The following PDCD6IP variants were observed in gnomAD, a reference collection of about 807,000 sequenced individuals.
PDCD6IP encodes programmed cell death 6 interacting protein.
PDCD6IP carries 43 observed loss-of-function variants against 103.7 expected under a neutral mutation model. That is an observed-to-expected ratio of 0.41 (90% CI 0.32 to 0.53). The LOEUF is 0.53. Among genes scored for constraint, PDCD6IP ranks in the 20% least tolerant of loss-of-function variants. The probability of loss-of-function intolerance (pLI) is 0.16; values close to 1 mark genes in which losing one functional copy is unlikely to be tolerated. For synonymous variants in PDCD6IP, 354 were observed against 378.7 expected, an observed-to-expected ratio of 0.93 and a Z score of 0.76; for missense variants, 871 against 1,036.7, an observed-to-expected ratio of 0.84 and a Z score of 2.20.
intron 4 of PDCD6IP, among the ~76,000 whole-genome samples, chr3:33,824,920 A>C (rs1697082781): frequency 6.6e-6 from 1 of 152,256 alleles, no homozygotes; most frequent in African/African-American, 2.4e-5. Flanking sequence ...ATCTAAAAAT[A>C]GTTTAATCAG....
At chr3:33,839,635 G>A (rs1178750710) in intron 9 of PDCD6IP, among the ~76,000 whole-genome samples, 2 of 152,196 alleles carry the variant, frequency 1.3e-5, no homozygotes, top group Admixed American at 6.5e-5. Flanking sequence ...GAGACAAATT[G>A]TTAGGTTGTG....
chr3:33,819,751 A>G (rs973703447), intron 3 of PDCD6IP, among the ~76,000 whole-genome samples: 5 of 152,264 alleles, frequency 3.3e-5, no homozygotes, highest in African/African-American at 7.2e-5. Context: ...CTAGTGGTCA[A>G]TGCCTTGCAC....
intron 15 of PDCD6IP, among the ~76,000 whole-genome samples, chr3:33,863,378 TTCTC>T (rs1259337669): frequency 1.3e-5 from 2 of 152,188 alleles, no homozygotes; most frequent in Non-Finnish European, 2.9e-5. Flanking sequence ...AACTTATTTA[TTCTC>T]TCTGACTGTA....
In PDCD6IP at chr3:33,864,038, G is replaced by GT; in HGVS notation, c.2154dup (p.Ala719CysfsTer33). The stretch of plus-strand genomic sequence containing the variant: ...CAACAAAGCATTGCCAGAGAACCTA[G>GT]TGCTCCTTCAATTCCTACACCTGCG... On this transcript the variant is annotated frameshift_variant, in exon 16 of 18. Transcript: ENST00000307296. LOFTEE classifies it high-confidence loss of function. 1 of 1,614,022 alleles carries GT rather than the reference G, an allele frequency of 6.2e-7. No individual in the cohort carries two copies. The highest frequency in any genetic ancestry group is 1.3e-5 in the African/African-American group (1 of 75,044).
intron 1 of PDCD6IP, among the ~76,000 whole-genome samples, chr3:33,804,711 AG>A (rs1332365109): frequency 3.3e-5 from 5 of 152,248 alleles, no homozygotes; most frequent in Non-Finnish European, 7.3e-5. Context: ...AAGCCCACAA[AG>A]CTATCTTTAT....
At chr3:33,848,090 T>C (rs957324288) in intron 12 of PDCD6IP, among the ~76,000 whole-genome samples, 1 of 152,196 alleles carries the variant, frequency 6.6e-6, no homozygotes, top group African/African-American at 2.4e-5. Flanking sequence ...TAGTGGAGGA[T>C]CTGCAAACAC....
intron 5 of PDCD6IP, 106 bp downstream of exon 5, chr3:33,825,446 G>T: frequency 2.1e-6 from 2 of 959,080 alleles, no homozygotes; most frequent in Non-Finnish European, 1.5e-6. Context: ...TGTCCTTCTT[G>T]AACTTGATAC....
chr3:33,829,089 C>T (rs1697191329), intron 7 of PDCD6IP, 120 bp downstream of exon 7: 2 of 608,464 alleles, frequency 3.3e-6, no homozygotes, highest in Non-Finnish European at 5.1e-6. Context: ...TCAGCAGGGA[C>T]AAGTGATTGT....
chr3:33,863,681 G>A (rs954814255), intron 15 of PDCD6IP, among the ~76,000 whole-genome samples: 1 of 152,150 alleles, frequency 6.6e-6, no homozygotes, highest in East Asian at 1.9e-4. Context: ...CACTTAGGTT[G>A]CATTCATATT....
intron 12 of PDCD6IP, among the ~76,000 whole-genome samples, chr3:33,851,766 T>G (rs1472959430): frequency 6.6e-6 from 1 of 152,112 alleles, no homozygotes; most frequent in Admixed American, 6.5e-5. Flanking sequence ...GGCCTAAAAC[T>G]CTTAATGGTA....
chr3:33,865,590 T>TTACATG (rs1318123389), intron 17 of PDCD6IP, among the ~76,000 whole-genome samples, 160 bp downstream of exon 17: 1 of 152,276 alleles, frequency 6.6e-6, no homozygotes, highest in Non-Finnish European at 1.5e-5. Flanking sequence ...TTATGGTCAC[T>TTACATG]TACATGAATA....
At chr3:33,838,113 T>G in intron 8 of PDCD6IP, 91 bp from the exon 9 acceptor site, 1 of 1,048,560 alleles carries the variant, frequency 9.5e-7, no homozygotes, top group Non-Finnish European at 1.4e-6. Context: ...TTATAGACTA[T>G]GTGAATATTG....
At chr3:33,841,084 G>A (rs955169628) in intron 9 of PDCD6IP, among the ~76,000 whole-genome samples, 38 of 148,016 alleles carry the variant, frequency 2.6e-4, no homozygotes, top group African/African-American at 8.8e-4. Context: ...CTGGAATGCA[G>A]TGGTGAGATC....
In PDCD6IP at chr3:33,844,225, T is replaced by A; in HGVS notation, c.1471+2T>A. On this transcript the variant is annotated splice_donor_variant, in intron 11 of 17. Coordinates refer to ENST00000307296, the MANE Select transcript of PDCD6IP (RefSeq NM_013374.6). LOFTEE classifies it high-confidence loss of function. ...AACTGTATAAGCCTTTAAGAGCAGG[T>A]AAAAATGTGTATAAATGACCTTCAT... is the stretch of plus-strand genomic sequence containing the variant. The A allele has an allele frequency of 6.8e-7, 1 of 1,480,322 alleles. No homozygotes were observed. Among genetic ancestry groups the A allele is most frequent in the Non-Finnish European group, 9.1e-7 (1 of 1,102,956 alleles). 91.7% of individuals were successfully genotyped at this position (1,480,322 alleles called of 1,614,324 possible).
In PDCD6IP at chr3:33,814,207, C is replaced by T. The variant is rs536161618; in HGVS notation, c.334+579C>T. 4.5e-4 allele frequency among the ~76,000 whole-genome samples: 68 copies of T among 150,608 alleles called. 1 individual carries two copies. The highest frequency in any genetic ancestry group is 3.4e-3 in the Middle Eastern group (1 of 292). ...TTGCCCAGGATGGAGTGCAGTGGCA[C>T]GATCTTGGCTCACTGCAACCTCTGC... On this transcript the variant is annotated intron_variant, in intron 3 of 17. Coordinates refer to ENST00000307296, the MANE Select transcript of PDCD6IP (RefSeq NM_013374.6).
At chr3:33,863,923 G>A (rs991353799) in intron 15 of PDCD6IP, 83 bp from the exon 16 acceptor site, 3 of 854,422 alleles carry the variant, frequency 3.5e-6, no homozygotes, top group South Asian at 1.5e-5. Context: ...TATGTTTCAT[G>A]TATGAAGAAA....
At position 33,866,560 on chromosome 3, in the gene PDCD6IP, G is replaced by T; in HGVS notation, c.*35G>T. 1 of 1,532,034 alleles carries T rather than the reference G, an allele frequency of 6.5e-7. No homozygotes were observed. The highest frequency in any genetic ancestry group is 8.8e-7 in the Non-Finnish European group (1 of 1,137,606). 94.9% of individuals were successfully genotyped at this position (1,532,034 alleles called of 1,614,324 possible). A position where few individuals can be genotyped will look rare whatever the true frequency, so the allele number is the denominator to read the frequency against. ...TCAGCAGCTCAGCTGATTCAGATCA[G>T]AGGGAAAGAAATACCAACCCTGCAA... On this transcript the variant is annotated 3_prime_UTR_variant, in exon 18 of 18. Transcript: ENST00000307296.
intron 7 of PDCD6IP, among the ~76,000 whole-genome samples, chr3:33,831,690 G>A (rs1322920089): frequency 6.6e-6 from 1 of 151,514 alleles, no homozygotes; most frequent in East Asian, 1.9e-4. Context: ...TATTCCTACT[G>A]CCCCATAGTT....
intron 16 of PDCD6IP, 27 bp from the exon 17 acceptor site, chr3:33,865,216 A>G (rs753352547): frequency 4.8e-6 from 7 of 1,464,872 alleles, no homozygotes; most frequent in East Asian, 2.7e-5. Flanking sequence ...GAAACATTTT[A>G]TAGTCAATGC....
Sources: allele counts gnomAD v4.1 joint callset (sites outside exome capture counted in the v4.1 genomes callset), GRCh38; gene constraint gnomAD v4.1.1; transcripts MANE v1.5; gene names NCBI Gene and HGNC (gene_info 2026-07-23, HGNC 2026-07-21).